Variants in CADPS2 observed in about 807,000 individuals in gnomAD.
CADPS2 encodes the protein calcium dependent secretion activator 2.
In CADPS2, 93 loss-of-function variants were observed where a neutral mutation model predicts 172.5. That is an observed-to-expected ratio of 0.54 (90% CI 0.46 to 0.64). The LOEUF (loss-of-function observed/expected upper bound fraction) is 0.64, where lower values mean the gene tolerates loss of function less well. Among genes scored for constraint, CADPS2 ranks in the 30% least tolerant of loss-of-function variants. The pLI, the probability that CADPS2 is intolerant of heterozygous loss-of-function variation, is 0.00. For synonymous variants in CADPS2, 546 were observed against 555.2 expected (o/e 0.98, Z 0.23); for missense variants, 1,420 against 1,565.9 (o/e 0.91, Z 1.57).
rs1043242630 is a variant in CADPS2, at chr7:122,656,086, A to C, written c.786+7151T>G. 5.9e-5 allele frequency among the ~76,000 whole-genome samples: 9 copies of C among 152,318 alleles called. No individual in the cohort carries two copies. In the South Asian group the frequency reaches 1.9e-3, roughly 32 times the overall value. On this transcript the variant is annotated intron_variant, in intron 3 of 29. Coordinates refer to ENST00000449022, the MANE Select transcript of CADPS2 (RefSeq NM_017954.11). ...GGAGCAGAAGCTGCTGTATGCCATG[A>C]GTGGTAGGAATATTTACTTGTCTAG... is the stretch of plus-strand genomic sequence containing the variant.
At chr7:122,698,103 C>T (rs1304106792) in intron 2 of CADPS2, 4 of 1,613,982 alleles carry the variant, frequency 2.5e-6, no homozygotes, top group Non-Finnish European at 3.4e-6. Flanking sequence ...GTTTACAAGT[C>T]AGAATACGAA....
chr7:122,370,661 G>A (rs1279921162), intron 25 of CADPS2, among the ~76,000 whole-genome samples: 1 of 152,154 alleles, frequency 6.6e-6, no homozygotes, highest in Non-Finnish European at 1.5e-5. Context: ...GGCTAAATTT[G>A]CTTAGGAAGA....
At chr7:122,450,026 CAG>C (rs2052844859) in intron 15 of CADPS2, among the ~76,000 whole-genome samples, 1 of 151,942 alleles carries the variant, frequency 6.6e-6, no homozygotes, top group African/African-American at 2.4e-5. Context: ...AAAAAAATCA[CAG>C]AGTCTAAGAC....
At chr7:122,629,101 T>C in intron 4 of CADPS2, 147 bp downstream of exon 4, 5 of 494,060 alleles carry the variant, frequency 1.0e-5, no homozygotes, top group Non-Finnish European at 1.8e-5. Flanking sequence ...TTCAGATATT[T>C]GGGATTAAGA....
At chr7:122,480,950 T>C in intron 11 of CADPS2, 90 bp from the exon 12 acceptor site, 1 of 1,028,680 alleles carries the variant, frequency 9.7e-7, no homozygotes, top group East Asian at 3.0e-5. Flanking sequence ...ATTTTTTATT[T>C]TCTCAATTTC....
At chr7:122,536,562 T>C (rs2062298041) in intron 8 of CADPS2, among the ~76,000 whole-genome samples, 1 of 152,090 alleles carries the variant, frequency 6.6e-6, no homozygotes, top group Non-Finnish European at 1.5e-5. Flanking sequence ...TAATGCTTAA[T>C]GCATGGAGAA....
chr7:122,612,348 T>C (rs2074399025), intron 6 of CADPS2, among the ~76,000 whole-genome samples: 1 of 152,016 alleles, frequency 6.6e-6, no homozygotes, highest in South Asian at 2.1e-4. Flanking sequence ...TCAGTAAGGT[T>C]GATTGATGCA....
chr7:122,853,507 T>C (rs1235408935), intron 1 of CADPS2, among the ~76,000 whole-genome samples: 1 of 152,194 alleles, frequency 6.6e-6, no homozygotes, highest in Admixed American at 6.5e-5. Flanking sequence ...GTTGGTAACC[T>C]CTGGAATATA....
intron 1 of CADPS2, among the ~76,000 whole-genome samples, chr7:122,789,048 G>C (rs926161081): frequency 6.6e-6 from 1 of 152,184 alleles, no homozygotes; most frequent in East Asian, 1.9e-4. Flanking sequence ...AAGATGCTCA[G>C]AGTCCTTATG....
chr7:122,850,282 C>A (rs1208220906), intron 1 of CADPS2: 1 of 680,528 alleles, frequency 1.5e-6, no homozygotes, highest in East Asian at 3.5e-5. Flanking sequence ...GACTCCCCAG[C>A]AGCCTCCTTT....
At chr7:122,629,171 A>C in intron 4 of CADPS2, 77 bp downstream of exon 4, 1 of 1,180,604 alleles carries the variant, frequency 8.5e-7, no homozygotes. Flanking sequence ...TTTAACCTAT[A>C]CAAAACACTT....
chr7:122,515,025 A>C (rs2060254986), intron 8 of CADPS2, among the ~76,000 whole-genome samples: 1 of 152,198 alleles, frequency 6.6e-6, no homozygotes, highest in Admixed American at 6.5e-5. Context: ...AGAAATTTTC[A>C]GAATCCAGGG....
intron 2 of CADPS2, among the ~76,000 whole-genome samples, chr7:122,730,534 T>G (rs2091537865): frequency 6.6e-6 from 1 of 151,876 alleles, no homozygotes; most frequent in Admixed American, 6.6e-5. Flanking sequence ...ATAAGCAAGA[T>G]ATTAAATAAT....
chr7:122,388,891 C>G (rs1191070301), intron 22 of CADPS2, among the ~76,000 whole-genome samples, 153 bp from the exon 23 acceptor site: 1 of 152,012 alleles, frequency 6.6e-6, no homozygotes, highest in African/African-American at 2.4e-5. Context: ...GTTCAGCCTT[C>G]TAATTGTTCC....
At chr7:122,593,213 C>T (rs1347317720) in intron 6 of CADPS2, among the ~76,000 whole-genome samples, 2 of 151,822 alleles carry the variant, frequency 1.3e-5, no homozygotes, top group Non-Finnish European at 1.5e-5. Flanking sequence ...AAAAAAAATT[C>T]TGCATGGCAA....
At chr7:122,345,439 G>T in intron 28 of CADPS2, 135 bp downstream of exon 28, 1 of 571,088 alleles carries the variant, frequency 1.8e-6, no homozygotes, top group South Asian at 2.3e-5. Flanking sequence ...TGCCTGGCCA[G>T]CTTCAACTTT....
chr7:122,849,636 T>C (rs994414274), intron 1 of CADPS2: 1 of 295,140 alleles, frequency 3.4e-6, no homozygotes, highest in Non-Finnish European at 6.5e-6. Context: ...ATTTATATGT[T>C]TACTACTGTA....
chr7:122,852,478 T>C (rs184443688), intron 1 of CADPS2, among the ~76,000 whole-genome samples: 2 of 152,084 alleles, frequency 1.3e-5, no homozygotes, highest in African/African-American at 4.8e-5. Context: ...TACAGATGGG[T>C]AGAAGTGTAT....
intron 2 of CADPS2, among the ~76,000 whole-genome samples, chr7:122,715,189 A>G (rs2089411311): frequency 6.6e-6 from 1 of 152,142 alleles, no homozygotes; most frequent in South Asian, 2.1e-4. Context: ...CATATCCCTT[A>G]TTCACATTGT....
Sources: allele counts gnomAD v4.1 joint callset (sites outside exome capture counted in the v4.1 genomes callset), GRCh38; gene constraint gnomAD v4.1.1; transcripts MANE v1.5; gene names NCBI Gene and HGNC (gene_info 2026-07-23, HGNC 2026-07-21).